ELF5: variants seen among roughly 807,000 people sequenced by gnomAD.
ELF5 encodes the protein E74 like ETS transcription factor 5.
Under a neutral mutation model 38.2 loss-of-function variants are expected in ELF5, and 31 were observed. The ratio of observed to expected loss-of-function variants is 0.81; its 90% CI spans 0.61 to 1.10. The LOEUF is 1.10. ELF5 is among the 50% of genes least tolerant of loss of function. The pLI, the probability that ELF5 is intolerant of heterozygous loss-of-function variation, is 0.00. For missense variants in ELF5, 300 were observed against 306.6 expected (o/e 0.98, Z 0.16); for synonymous variants, 121 against 112.5 (o/e 1.08, Z -0.48).
At chr11:34,511,768 C>T in intron 1 of ELF5, 1 of 607,876 alleles carries the variant, frequency 1.6e-6, no homozygotes. Flanking sequence ...CTCAGCCTCC[C>T]AGAGAGAGGG....
In ELF5 at chr11:34,480,930, G is replaced by C; in HGVS notation, c.513C>G (p.Asp171Glu). Residue 171 changes from aspartate to glutamate, a missense_variant, in exon 6 of 7, where the codon GAC becomes GAG. Physicochemically the swap from Asp to Glu is conservative, Grantham distance 45. Transcript: ENST00000257832. Reference sequence around the variant, plus strand: ...AGTTTTCTTCAGGAGATAGAAGCAGGTCTCGTACAAATTCCCATAGATGAG... The same window carrying C: ...AGTTTTCTTCAGGAGATAGAAGCAGCTCTCGTACAAATTCCCATAGATGAG... ...QSSHLWEFVRDLLLSPEENCG... is the reference protein window; with the variant it reads ...QSSHLWEFVRELLLSPEENCG... 1.2e-6 allele frequency: 2 copies of C among 1,613,920 alleles called. No homozygotes were observed. Among genetic ancestry groups the C allele is most frequent in the East Asian group, 4.5e-5 (2 of 44,870 alleles).
At chr11:34,503,333 A>G (rs1381025237) in intron 2 of ELF5, among the ~76,000 whole-genome samples, 2 of 149,974 alleles carry the variant, frequency 1.3e-5, no homozygotes, top group Non-Finnish European at 3.0e-5. Context: ...TAATTTTTGT[A>G]TTTTTTCGTA....
chr11:34,484,999 G>GGAAAGATCCTTACT (rs1849948289), intron 4 of ELF5, among the ~76,000 whole-genome samples: 1 of 152,110 alleles, frequency 6.6e-6, no homozygotes, highest in Non-Finnish European at 1.5e-5. Context: ...TCACAACACT[G>GGAAAGATCCTTACT]GGCCTACCTT....
chr11:34,505,882 A>G, intron 1 of ELF5, 129 bp from the exon 2 acceptor site: 2 of 1,141,772 alleles, frequency 1.8e-6, no homozygotes, highest in South Asian at 1.8e-5. Flanking sequence ...CACTAGGAGC[A>G]GGCACCGCCT....
At chr11:34,496,856 A>G (rs1850333148) in intron 2 of ELF5, among the ~76,000 whole-genome samples, 1 of 152,210 alleles carries the variant, frequency 6.6e-6, no homozygotes, top group Non-Finnish European at 1.5e-5. Context: ...GCCTGTCAGT[A>G]AAGGAGCTAC....
chr11:34,501,396 C>T (rs1170647735), intron 2 of ELF5, among the ~76,000 whole-genome samples: 1 of 152,066 alleles, frequency 6.6e-6, no homozygotes, highest in Non-Finnish European at 1.5e-5. Context: ...TGCATGTGTG[C>T]GTGGCACATT....
chr11:34,494,678 T>A (rs1850273133), intron 2 of ELF5, among the ~76,000 whole-genome samples: 4 of 152,062 alleles, frequency 2.6e-5, no homozygotes, highest in Admixed American at 6.6e-5. Context: ...GAAAGTGGGG[T>A]GGACATAAGG....
At chr11:34,500,357 GA>G (rs1347719689) in intron 2 of ELF5, among the ~76,000 whole-genome samples, 2 of 152,168 alleles carry the variant, frequency 1.3e-5, no homozygotes. Flanking sequence ...CTTTATGAGG[GA>G]AAACCTGAAA....
At chr11:34,509,039 T>A (rs1247345758) in intron 1 of ELF5, among the ~76,000 whole-genome samples, 1 of 152,158 alleles carries the variant, frequency 6.6e-6, no homozygotes, top group African/African-American at 2.4e-5. Context: ...CCATCAAATG[T>A]GCATGAGACG....
chr11:34,486,368 G>A (rs997778084), intron 4 of ELF5, among the ~76,000 whole-genome samples: 4 of 152,154 alleles, frequency 2.6e-5, no homozygotes, highest in African/African-American at 9.7e-5. Context: ...GGAATGGGTT[G>A]TTTCACTTTG....
At chr11:34,491,147 C>T (rs1850161975) in intron 3 of ELF5, among the ~76,000 whole-genome samples, 1 of 152,094 alleles carries the variant, frequency 6.6e-6, no homozygotes, top group African/African-American at 2.4e-5. Flanking sequence ...GGTAATAACC[C>T]CCAGTCAACT....
intron 2 of ELF5, among the ~76,000 whole-genome samples, chr11:34,496,662 C>T (rs1214266313): frequency 1.3e-5 from 2 of 152,248 alleles, no homozygotes; most frequent in East Asian, 1.9e-4. Flanking sequence ...CCTCATCCCT[C>T]CCCTCCAGAC....
chr11:34,482,567 C>A, intron 4 of ELF5, 68 bp from the exon 5 acceptor site: 1 of 1,244,916 alleles, frequency 8.0e-7, no homozygotes, highest in East Asian at 2.4e-5. Context: ...AAGTCATACC[C>A]AAATGAGCAA....
At chr11:34,485,351 C>T (rs1056383835) in intron 4 of ELF5, among the ~76,000 whole-genome samples, 5 of 152,240 alleles carry the variant, frequency 3.3e-5, no homozygotes, top group Non-Finnish European at 5.9e-5. Flanking sequence ...CAGATGCTCA[C>T]TCAACCTTCC....
intron 1 of ELF5, among the ~76,000 whole-genome samples, 164 bp downstream of exon 1, chr11:34,513,513 C>T (rs536487540): frequency 6.6e-6 from 1 of 152,350 alleles, no homozygotes; most frequent in South Asian, 2.1e-4. Context: ...TGAGGCAAGC[C>T]GTCACATCCG....
intron 2 of ELF5, 110 bp downstream of exon 2, chr11:34,505,519 C>G: frequency 1.3e-6 from 2 of 1,524,396 alleles, no homozygotes; most frequent in Non-Finnish European, 1.8e-6. Context: ...GCCCTGAACT[C>G]TGGTGTTCCT....
At chr11:34,496,034 G>T (rs377202931) in intron 2 of ELF5, among the ~76,000 whole-genome samples, 2 of 150,838 alleles carry the variant, frequency 1.3e-5, no homozygotes, top group African/African-American at 4.9e-5. Flanking sequence ...GAAAGGTTTC[G>T]CCAAGGCTCT....
At chr11:34,494,563 A>T (rs897529492) in intron 2 of ELF5, among the ~76,000 whole-genome samples, 19 of 152,138 alleles carry the variant, frequency 1.2e-4, no homozygotes, top group African/African-American at 4.1e-4. Context: ...ATGCCTAGAC[A>T]GTTGTGAGTG....
At position 34,493,712 on chromosome 11, in the gene ELF5, G is replaced by C; in HGVS notation, c.122C>G (p.Ala41Gly). The C allele has an allele frequency of 1.2e-6, 2 of 1,612,854 alleles. No individual in the cohort carries two copies. The highest frequency in any genetic ancestry group is 1.7e-6 in the Non-Finnish European group (2 of 1,178,930). The stretch of plus-strand genomic sequence containing the variant: ...GACTGATGTCCAGTATGAGTCACAG[G>C]CTGCACCAAAGGAGAAAGAAGTGAG... ...EYYPAFEHQTACDSYWTSVHP... is the reference protein window; with the variant it reads ...EYYPAFEHQTGCDSYWTSVHP... Residue 41 changes from alanine to glycine, a missense_variant and splice_region_variant, in exon 3 of 7, where the codon GCC (alanine) becomes GGC (glycine). Ala to Gly is a moderately conservative substitution (Grantham distance 60). Transcript: ENST00000257832.
Sources: allele counts gnomAD v4.1 joint callset (sites outside exome capture counted in the v4.1 genomes callset), GRCh38; gene constraint gnomAD v4.1.1; transcripts MANE v1.5; gene names NCBI Gene and HGNC (gene_info 2026-07-23, HGNC 2026-07-21).